PAX7: variants seen among roughly 807,000 people sequenced by gnomAD.
PAX7 encodes paired box protein Pax-7.
In PAX7, 18 loss-of-function variants were observed where a neutral mutation model predicts 50.7. The observed-to-expected ratio is 0.36, with a 90% CI of 0.25 to 0.53. The LOEUF (loss-of-function observed/expected upper bound fraction) is 0.53, where lower values mean the gene tolerates loss of function less well. Ranked by LOEUF, PAX7 falls within the 20% of genes least tolerant of loss-of-function variation. The pLI, the probability that PAX7 is intolerant of heterozygous loss-of-function variation, is 0.93. For synonymous variants in PAX7, 310 were observed against 290.4 expected (o/e 1.07, Z -0.69); for missense variants, 644 against 702.9 (o/e 0.92, Z 0.95).
At chr1:18,743,891 T>C (rs1003358369) in intron 8 of PAX7, among the ~76,000 whole-genome samples, 2 of 152,226 alleles carry the variant, frequency 1.3e-5, no homozygotes, top group African/African-American at 4.8e-5. Context: ...CACACATATG[T>C]GCATGTGTGT....
intron 4 of PAX7, among the ~76,000 whole-genome samples, chr1:18,650,055 T>C (rs1035398531): frequency 2.6e-5 from 4 of 152,102 alleles, no homozygotes; most frequent in Non-Finnish European, 4.4e-5. Context: ...TGTTTCCCCA[T>C]GGATAGAGGA....
intron 2 of PAX7, 74 bp from the exon 3 acceptor site, chr1:18,635,037 G>C: frequency 6.4e-7 from 1 of 1,562,770 alleles, no homozygotes; most frequent in South Asian, 1.2e-5. Context: ...GGGCTCTTAA[G>C]AGGTGATATT....
Position 18,636,317 on chromosome 1 carries a change from G to C in PAX7, c.532G>C (p.Asp178His). 6.2e-7 allele frequency: 1 copy of C among 1,614,258 alleles called. No individual in the cohort carries two copies. The highest frequency in any genetic ancestry group is 8.5e-7 in the Non-Finnish European group (1 of 1,180,032). The change falls in exon 4 of 9, where the codon GAC (aspartate) becomes CAC (histidine). Residue 178 changes from aspartate (D) to histidine (H), a missense_variant. Physicochemically the swap from Asp to His is moderately conservative, Grantham distance 81. Coordinates refer to ENST00000420770, the MANE Select transcript of PAX7 (RefSeq NM_001135254.2). The surrounding 1 kb of genome is among the most constrained non-coding windows in gnomAD (Gnocchi z 5.1). Reference sequence around the variant, plus strand: ...GGAGGATGAAGCGGACAAGAAGGAGGACGACGGCGAAAAGAAGGCCAAACA... The same window carrying C: ...GGAGGATGAAGCGGACAAGAAGGAGCACGACGGCGAAAAGAAGGCCAAACA... ...EEEDEADKKE[D>H]DGEKKAKHSI... is the part of the protein sequence containing the mutation.
intron 7 of PAX7, among the ~76,000 whole-genome samples, chr1:18,725,434 C>T (rs1468641912): frequency 6.6e-6 from 1 of 152,108 alleles, no homozygotes; most frequent in Non-Finnish European, 1.5e-5. Flanking sequence ...TCCCGCCTGC[C>T]CCTCCTCCCC....
intron 4 of PAX7, among the ~76,000 whole-genome samples, chr1:18,681,636 G>A (rs140014941): frequency 6.6e-6 from 1 of 152,068 alleles, no homozygotes; most frequent in Non-Finnish European, 1.5e-5. Flanking sequence ...ATGCCCCACT[G>A]CAGTTTCCCC....
intron 5 of PAX7, among the ~76,000 whole-genome samples, chr1:18,693,589 CT>C (rs1158587197): frequency 1.6e-4 from 24 of 152,356 alleles, no homozygotes; most frequent in African/African-American, 5.8e-4. Context: ...CCTCCGCCCC[CT>C]GTCCTCACTC....
chr1:18,634,601 G>T lies in PAX7; in HGVS notation c.321+63G>T. On this transcript the variant is annotated intron_variant, in intron 2 of 8. Coordinates refer to ENST00000420770, the MANE Select transcript of PAX7 (RefSeq NM_001135254.2). The surrounding 1 kb of genome is among the most constrained non-coding windows in gnomAD (Gnocchi z 4.0). ...CTATAGTCGGGGGCTCCTGGTTGTG[G>T]CCCCTCTTACTACCTCGTGGCACCA... 13 of 1,420,174 alleles carry T rather than the reference G, an allele frequency of 9.2e-6. No homozygotes were observed. Among genetic ancestry groups the T allele is most frequent in the Non-Finnish European group, 1.3e-5 (13 of 1,016,516 alleles). 88.0% of individuals were successfully genotyped at this position (1,420,174 alleles called of 1,614,324 possible). A position where few individuals can be genotyped will look rare whatever the true frequency, so the allele number is the denominator to read the frequency against.
chr1:18,712,521 G>C (rs948778428), intron 7 of PAX7, among the ~76,000 whole-genome samples: 3 of 152,212 alleles, frequency 2.0e-5, no homozygotes, highest in Non-Finnish European at 4.4e-5. Flanking sequence ...GGAAAGAAAG[G>C]CTAAACCAGG....
At chr1:18,637,772 G>A (rs2088185576) in intron 4 of PAX7, among the ~76,000 whole-genome samples, 1 of 152,270 alleles carries the variant, frequency 6.6e-6, no homozygotes, top group East Asian at 1.9e-4. Context: ...CGAAGGGAAG[G>A]GGCGGCCATT....
chr1:18,666,907 A>C (rs2088677212), intron 4 of PAX7, among the ~76,000 whole-genome samples: 1 of 152,132 alleles, frequency 6.6e-6, no homozygotes, highest in African/African-American at 2.4e-5. Context: ...CCTGGGGAAA[A>C]ATTCAGACTG....
At chr1:18,699,407 AAG>A (rs2089187792) in intron 5 of PAX7, among the ~76,000 whole-genome samples, 3 of 152,072 alleles carry the variant, frequency 2.0e-5, no homozygotes, top group African/African-American at 7.2e-5. Flanking sequence ...CAGCTGCAGG[AAG>A]AGTGTTCAGG....
chr1:18,637,393 A>G (rs1257392496), intron 4 of PAX7, among the ~76,000 whole-genome samples: 1 of 149,934 alleles, frequency 6.7e-6, no homozygotes, highest in Non-Finnish European at 1.5e-5. Context: ...ACAGTTAAAG[A>G]AAAGGCCCCA....
chr1:18,635,820 ATGTG>A (rs59604586), intron 3 of PAX7, among the ~76,000 whole-genome samples: 2 of 149,680 alleles, frequency 1.3e-5, no homozygotes, highest in South Asian at 2.1e-4. Flanking sequence ...GTGTGTGTGT[ATGTG>A]TGTGTGTGTG....
chr1:18,636,182 C>A lies in PAX7; in HGVS notation c.452-55C>A. ...TTTCTCCCAGGGGCCCAGGCCACCG[C>A]TCGCTCCTCTGCTCCAACAACTTAT... On this transcript the variant is annotated intron_variant, in intron 3 of 8. Coordinates refer to ENST00000420770, the MANE Select transcript of PAX7 (RefSeq NM_001135254.2). This position sits in a 1 kb window ranked among gnomAD's most constrained non-coding sequence, Gnocchi z 5.1. 1.3e-6 allele frequency: 2 copies of A among 1,585,920 alleles called. No homozygotes were observed. Among genetic ancestry groups the A allele is most frequent in the African/African-American group, 2.7e-5 (2 of 74,252 alleles).
In PAX7 at chr1:18,636,458, A is replaced by T; in HGVS notation, c.586+87A>T. The T allele has an allele frequency of 6.8e-7, 1 of 1,480,040 alleles. No homozygotes were observed. The highest frequency in any genetic ancestry group is 1.3e-5 in the South Asian group (1 of 78,774). 91.7% of individuals were successfully genotyped at this position (1,480,040 alleles called of 1,614,324 possible). On this transcript the variant is annotated intron_variant, in intron 4 of 8. Coordinates refer to ENST00000420770, the MANE Select transcript of PAX7 (RefSeq NM_001135254.2). The surrounding 1 kb of genome is among the most constrained non-coding windows in gnomAD (Gnocchi z 5.1). ...GCCAGTGGTTCGCTCCCGCCGCCGGAGCAGGCGACCAGAACTCCAGCGGAG... is the reference window on the plus strand; with the variant it reads ...GCCAGTGGTTCGCTCCCGCCGCCGGTGCAGGCGACCAGAACTCCAGCGGAG...
chr1:18,692,946 C>A (rs1306346988), intron 5 of PAX7, among the ~76,000 whole-genome samples: 2 of 152,156 alleles, frequency 1.3e-5, no homozygotes, highest in Admixed American at 6.5e-5. Flanking sequence ...TGCCTCACCT[C>A]CCCAGGCCAA....
At chr1:18,701,209 C>A (rs1444109845) in intron 6 of PAX7, among the ~76,000 whole-genome samples, 1 of 152,188 alleles carries the variant, frequency 6.6e-6, no homozygotes, top group African/African-American at 2.4e-5. Flanking sequence ...ACTGGGCTGA[C>A]CTGCTTTGGA....
chr1:18,698,038 G>A (rs924490343), intron 5 of PAX7, among the ~76,000 whole-genome samples: 2 of 152,066 alleles, frequency 1.3e-5, no homozygotes, highest in Non-Finnish European at 2.9e-5. Context: ...GAGGAAGAAT[G>A]CATCCAACTT....
chr1:18,650,910 G>T (rs549076108), intron 4 of PAX7, among the ~76,000 whole-genome samples: 14 of 152,242 alleles, frequency 9.2e-5, no homozygotes, highest in African/African-American at 3.4e-4. Flanking sequence ...GGGCTGGCAG[G>T]GCAAGACCTC....
Sources: gnomAD v4.1 joint callset for allele counts (sites outside exome capture counted in the v4.1 genomes callset) on GRCh38, gnomAD v4.1.1 for gene constraint, Gnocchi (gnomAD v3.1) non-coding constraint, MANE v1.5 for transcripts, NCBI Gene and HGNC (gene_info 2026-07-23, HGNC 2026-07-21) for gene names.